PACRG: variants seen among roughly 807,000 people sequenced by gnomAD.
PACRG encodes parkin coregulated gene protein.
In PACRG, 29 loss-of-function variants were observed where a neutral mutation model predicts 29.7. The ratio of observed to expected loss-of-function variants is 0.98; its 90% CI spans 0.73 to 1.33. The LOEUF is 1.33. Ranked by LOEUF, PACRG falls within the 40% of genes most tolerant of loss-of-function variation. The pLI is 0.00. For missense variants in PACRG, 279 were observed against 316.2 expected (o/e 0.88, Z 0.89); for synonymous variants, 116 against 118.7 (o/e 0.98, Z 0.15).
intron 2 of PACRG, among the ~76,000 whole-genome samples, chr6:162,918,937 A>G (rs1405555980): frequency 2.0e-5 from 3 of 152,124 alleles, no homozygotes; most frequent in African/African-American, 7.2e-5. Context: ...TAATAAAAAT[A>G]TTGTAGTGAT....
chr6:162,933,043 T>G (rs1362991970), intron 2 of PACRG, among the ~76,000 whole-genome samples: 1 of 152,090 alleles, frequency 6.6e-6, no homozygotes, highest in Non-Finnish European at 1.5e-5. Flanking sequence ...CTCATATGAT[T>G]TGGTATATGT....
intron 2 of PACRG, among the ~76,000 whole-genome samples, chr6:162,846,929 GC>G: frequency 2.0e-5 from 3 of 147,288 alleles, no homozygotes; most frequent in Non-Finnish European, 3.0e-5. Context: ...TCCCCACATT[GC>G]TGTGCTCCCC....
At chr6:163,166,095 C>T (rs780663504) in intron 4 of PACRG, 4 of 456,272 alleles carry the variant, frequency 8.8e-6, no homozygotes, top group Middle Eastern at 3.3e-4. Flanking sequence ...ACAGAAGCTC[C>T]AATTCCTCGG....
intron 4 of PACRG, among the ~76,000 whole-genome samples, chr6:163,264,455 C>G (rs1783451121): frequency 6.6e-6 from 1 of 152,210 alleles, no homozygotes; most frequent in Non-Finnish European, 1.5e-5. Context: ...GAGCACAAAA[C>G]AAGCCAGCAG....
At chr6:163,251,218 C>T (rs2128172222) in intron 4 of PACRG, among the ~76,000 whole-genome samples, 1 of 151,820 alleles carries the variant, frequency 6.6e-6, no homozygotes, top group East Asian at 1.9e-4. Context: ...AGAACGTACT[C>T]ATGTAACCAA....
chr6:163,301,116 A>G (rs909638280), intron 4 of PACRG, among the ~76,000 whole-genome samples: 1 of 152,084 alleles, frequency 6.6e-6, no homozygotes, highest in Non-Finnish European at 1.5e-5. Context: ...CCGTGAGTTT[A>G]GTAGGGCCAC....
intron 1 of PACRG, among the ~76,000 whole-genome samples, chr6:162,797,497 A>G (rs144409865): frequency 6.6e-6 from 1 of 152,298 alleles, no homozygotes; most frequent in African/African-American, 2.4e-5. Context: ...TACACAAAAG[A>G]CTTTTAAATA....
At position 162,946,184 on chromosome 6, in the gene PACRG, CA is replaced by C. The variant is rs564296769; in HGVS notation, c.292-115959del. 1.5e-4 allele frequency among the ~76,000 whole-genome samples: 22 copies of C among 149,306 alleles called. 1 individual carries two copies. The East Asian group carries it at 2.4e-3, about 16-fold the overall frequency. The stretch of plus-strand genomic sequence containing the variant: ...AGAGCAGAACTAAATAAAATAGAGA[CA>C]AAAAAAGGATCATCAAAACATTGTT... On this transcript the variant is annotated intron_variant, in intron 2 of 4. Coordinates refer to ENST00000366888, the MANE Select transcript of PACRG (RefSeq NM_001080379.2).
intron 2 of PACRG, among the ~76,000 whole-genome samples, chr6:162,936,731 C>T (rs1798258463): frequency 6.6e-6 from 1 of 151,680 alleles, no homozygotes; most frequent in Non-Finnish European, 1.5e-5. Context: ...ACTGCTTTAA[C>T]AATTATCATG....
chr6:163,089,186 C>A, intron 3 of PACRG, 73 bp from the exon 4 acceptor site: 1 of 1,485,138 alleles, frequency 6.7e-7, no homozygotes, highest in East Asian at 2.3e-5. Flanking sequence ...CACAAGACAA[C>A]TTTACCTTAA....
At chr6:162,887,900 GC>G (rs1374444574) in intron 2 of PACRG, among the ~76,000 whole-genome samples, 1 of 152,062 alleles carries the variant, frequency 6.6e-6, no homozygotes, top group Non-Finnish European at 1.5e-5. Context: ...TGCTTGTGCT[GC>G]TATAACAAAA....
chr6:163,256,980 G>A (rs907133863), intron 4 of PACRG, among the ~76,000 whole-genome samples: 9 of 152,050 alleles, frequency 5.9e-5, no homozygotes, highest in South Asian at 4.2e-4. Context: ...TCCTTGGCTC[G>A]TAGACACATC....
chr6:162,848,031 A>AG (rs1032810997), intron 2 of PACRG, among the ~76,000 whole-genome samples: 2 of 152,120 alleles, frequency 1.3e-5, no homozygotes, highest in African/African-American at 4.8e-5. Flanking sequence ...TGACCCCGGC[A>AG]GGAGTGAGGA....
At chr6:163,080,859 G>A (rs1481699779) in intron 3 of PACRG, among the ~76,000 whole-genome samples, 2 of 151,980 alleles carry the variant, frequency 1.3e-5, no homozygotes, top group Non-Finnish European at 2.9e-5. Context: ...TATGTGTTGA[G>A]AGAAAAATCA....
intron 2 of PACRG, among the ~76,000 whole-genome samples, chr6:162,819,209 C>T (rs564896243): frequency 2.0e-5 from 3 of 152,260 alleles, no homozygotes; most frequent in Admixed American, 6.5e-5. Flanking sequence ...GGCCTCTACT[C>T]ACTGCCAAAA....
chr6:163,211,215 A>G (rs945788380), intron 4 of PACRG, among the ~76,000 whole-genome samples: 7 of 152,168 alleles, frequency 4.6e-5, no homozygotes, highest in Admixed American at 6.5e-5. Flanking sequence ...TGATTCTTCA[A>G]TGCTTATGTG....
intron 1 of PACRG, among the ~76,000 whole-genome samples, chr6:162,742,190 A>G (rs1435951053): frequency 1.3e-5 from 2 of 152,080 alleles, no homozygotes; most frequent in African/African-American, 4.8e-5. Flanking sequence ...TAGCTTCCAT[A>G]ATTCTCACAT....
chr6:162,750,834 C>T (rs1393380310), intron 1 of PACRG, among the ~76,000 whole-genome samples: 2 of 152,186 alleles, frequency 1.3e-5, no homozygotes, highest in East Asian at 1.9e-4. Context: ...TTTCACAAAT[C>T]TATTAACATA....
chr6:163,161,062 C>T (rs747564658), intron 4 of PACRG, among the ~76,000 whole-genome samples: 2 of 152,174 alleles, frequency 1.3e-5, no homozygotes, highest in African/African-American at 4.8e-5. Flanking sequence ...TCCATGCTCT[C>T]ATCTGTTGCA....
Sources: allele counts gnomAD v4.1 joint callset (sites outside exome capture counted in the v4.1 genomes callset), GRCh38; gene constraint gnomAD v4.1.1; transcripts MANE v1.5; gene names NCBI Gene and HGNC (gene_info 2026-07-23, HGNC 2026-07-21).